The following PDE4B variants were observed in gnomAD, a reference collection of about 807,000 sequenced individuals.
PDE4B encodes the protein 3',5'-cyclic-AMP phosphodiesterase 4B.
Under a neutral mutation model 82.2 loss-of-function variants are expected in PDE4B, and 20 were observed. The ratio of observed to expected loss-of-function variants is 0.24; its 90% CI spans 0.17 to 0.35. The LOEUF (loss-of-function observed/expected upper bound fraction) is 0.35, where lower values mean the gene tolerates loss of function less well. Ranked by LOEUF, PDE4B falls within the 10% of genes least tolerant of loss-of-function variation. The probability of loss-of-function intolerance (pLI) is 1.00; values close to 1 mark genes in which losing one functional copy is unlikely to be tolerated. For missense variants in PDE4B, 655 were observed against 907.2 expected (o/e 0.72, Z 3.57); for synonymous variants, 320 against 318.9 (o/e 1.00, Z -0.04).
chr1:65,929,665 A>G (rs778261265), intron 3 of PDE4B, among the ~76,000 whole-genome samples: 2 of 152,176 alleles, frequency 1.3e-5, no homozygotes, highest in Non-Finnish European at 2.9e-5. Flanking sequence ...CACTTTGTCC[A>G]CTGAACTTAG....
At chr1:66,340,766 G>A (rs1160157855) in intron 8 of PDE4B, among the ~76,000 whole-genome samples, 1 of 152,074 alleles carries the variant, frequency 6.6e-6, no homozygotes, top group Admixed American at 6.5e-5. Flanking sequence ...TTTAGATTTA[G>A]GACAAGAGGT....
At chr1:66,040,440 G>C (rs1654307066) in intron 3 of PDE4B, among the ~76,000 whole-genome samples, 1 of 151,972 alleles carries the variant, frequency 6.6e-6, no homozygotes, top group African/African-American at 2.4e-5. Flanking sequence ...GTGGGAGTAG[G>C]CTAGATGTTA....
chr1:66,117,929 A>G lies in PDE4B; in HGVS notation c.282-129531A>G, dbSNP rs181053309. 9.1e-3 allele frequency among the ~76,000 whole-genome samples: 1,386 copies of G among 152,324 alleles called. 26 individuals carry two copies. Among genetic ancestry groups the G allele is most frequent in the African/African-American group, 0.032 (1,323 of 41,568 alleles). ...TGAACTAGTTTACAGTCCCACCAAC[A>G]GTGTAAAAGTGTTCCTATTTCTCCA... On this transcript the variant is annotated intron_variant, in intron 3 of 16. Transcript: ENST00000341517.
At chr1:66,296,209 A>G (rs1215989781) in intron 7 of PDE4B, among the ~76,000 whole-genome samples, 1 of 152,120 alleles carries the variant, frequency 6.6e-6, no homozygotes, top group Non-Finnish European at 1.5e-5. Flanking sequence ...GGTGGCAAAA[A>G]CTATGTCTTA....
intron 3 of PDE4B, among the ~76,000 whole-genome samples, chr1:66,243,260 T>C (rs1188399402): frequency 6.6e-6 from 1 of 151,900 alleles, no homozygotes; most frequent in Non-Finnish European, 1.5e-5. Flanking sequence ...GGGTCTGAGG[T>C]GGGTATAGGG....
intron 3 of PDE4B, among the ~76,000 whole-genome samples, chr1:66,015,048 A>T (rs982719124): frequency 1.3e-5 from 2 of 152,172 alleles, no homozygotes; most frequent in African/African-American, 4.8e-5. Context: ...TTTTTTAAAG[A>T]TACCTGAATT....
chr1:66,110,358 A>G (rs1469443512), intron 3 of PDE4B, among the ~76,000 whole-genome samples: 1 of 151,962 alleles, frequency 6.6e-6, no homozygotes, highest in Non-Finnish European at 1.5e-5. Context: ...CTAGATTGGG[A>G]GAGTTCCAAT....
intron 3 of PDE4B, chr1:66,152,601 TGTATACAC>T (rs1264979040): frequency 1.1e-5 from 2 of 183,892 alleles, no homozygotes; most frequent in African/African-American, 5.1e-5. Context: ...TGTGTGTGTG[TGTATACAC>T]ATATATATAT....
At chr1:66,290,423 G>T (rs1345406067) in intron 7 of PDE4B, among the ~76,000 whole-genome samples, 1 of 152,182 alleles carries the variant, frequency 6.6e-6, no homozygotes, top group African/African-American at 2.4e-5. Context: ...TACGTACACT[G>T]TATCAAAACT....
At chr1:65,943,284 T>C (rs931017702) in intron 3 of PDE4B, among the ~76,000 whole-genome samples, 1 of 151,994 alleles carries the variant, frequency 6.6e-6, no homozygotes, top group Non-Finnish European at 1.5e-5. Flanking sequence ...TTGTGTATTC[T>C]TAGCTCCTTT....
intron 1 of PDE4B, among the ~76,000 whole-genome samples, chr1:65,908,775 G>C (rs929870551): frequency 6.6e-6 from 1 of 152,124 alleles, no homozygotes; most frequent in African/African-American, 2.4e-5. Flanking sequence ...CCCGTTACAG[G>C]AAGGGCCTCA....
chr1:66,189,105 C>A (rs1477134697), intron 3 of PDE4B, among the ~76,000 whole-genome samples: 1 of 151,856 alleles, frequency 6.6e-6, no homozygotes, highest in Non-Finnish European at 1.5e-5. Context: ...CTTAGTTTGG[C>A]TGGATATGAA....
chr1:66,071,206 G>T (rs879733896), intron 3 of PDE4B, among the ~76,000 whole-genome samples: 1 of 151,946 alleles, frequency 6.6e-6, no homozygotes, highest in Non-Finnish European at 1.5e-5. Flanking sequence ...AATTTTGTAT[G>T]ACTTAAATTT....
At chr1:65,872,025 T>A (rs1360682936) in intron 1 of PDE4B, among the ~76,000 whole-genome samples, 1 of 152,136 alleles carries the variant, frequency 6.6e-6, no homozygotes, top group African/African-American at 2.4e-5. Context: ...CTAAAAATTG[T>A]GCTCTAATGG....
At chr1:65,993,166 T>C (rs1398728756) in intron 3 of PDE4B, 2 of 1,558,562 alleles carry the variant, frequency 1.3e-6, no homozygotes, top group Admixed American at 1.9e-5. Context: ...TGGAGGTATC[T>C]ACAGTGCTTT....
intron 3 of PDE4B, among the ~76,000 whole-genome samples, chr1:66,212,973 A>G (rs1650182127): frequency 6.6e-6 from 1 of 152,226 alleles, no homozygotes; most frequent in African/African-American, 2.4e-5. Flanking sequence ...ACCGCCTCCA[A>G]AGTCTATGGA....
intron 8 of PDE4B, 87 bp from the exon 9 acceptor site, chr1:66,355,440 G>T (rs1662160230): frequency 4.0e-6 from 3 of 757,568 alleles, no homozygotes; most frequent in Non-Finnish European, 4.5e-6. Context: ...CCAACCTCTT[G>T]ATTCCTGGAC....
intron 8 of PDE4B, among the ~76,000 whole-genome samples, chr1:66,345,548 T>C (rs558766586): frequency 2.0e-5 from 3 of 152,342 alleles, no homozygotes; most frequent in Admixed American, 2.0e-4. Flanking sequence ...GTCTACCATG[T>C]TCACTAGTGA....
At chr1:66,110,776 C>A (rs1391670165) in intron 3 of PDE4B, among the ~76,000 whole-genome samples, 2 of 152,060 alleles carry the variant, frequency 1.3e-5, no homozygotes, top group Non-Finnish European at 2.9e-5. Context: ...AGTAAGCACT[C>A]AATGTAAATA....
Sources: allele counts gnomAD v4.1 joint callset (sites outside exome capture counted in the v4.1 genomes callset), GRCh38; gene constraint gnomAD v4.1.1; transcripts MANE v1.5; gene names NCBI Gene and HGNC (gene_info 2026-07-23, HGNC 2026-07-21).